Variants in TPP2 observed in about 807,000 individuals in gnomAD.
TPP2 encodes tripeptidyl-peptidase 2.
Under a neutral mutation model 155.9 loss-of-function variants are expected in TPP2, and 34 were observed. The observed-to-expected ratio is 0.22, with a 90% CI of 0.17 to 0.29. The LOEUF (loss-of-function observed/expected upper bound fraction) is 0.29, where lower values mean the gene tolerates loss of function less well. Ranked by LOEUF, TPP2 falls within the 10% of genes least tolerant of loss-of-function variation. The pLI is 1.00. For missense variants in TPP2, 1,028 were observed against 1,522.3 expected, an observed-to-expected ratio of 0.68 and a Z score of 5.40; for synonymous variants, 510 against 529.4, an observed-to-expected ratio of 0.96 and a Z score of 0.50.
intron 16 of TPP2, among the ~76,000 whole-genome samples, chr13:102,640,647 T>TTTTTTTA (rs1882697689): frequency 2.4e-5 from 3 of 124,200 alleles, no homozygotes; most frequent in African/African-American, 9.5e-5. Flanking sequence ...AATAATTTTT[T>TTTTTTTA]TTTTTTTTTT....
At position 102,629,497 on chromosome 13, in the gene TPP2, A is replaced by G. The variant is rs528866894; in HGVS notation, c.1032A>G (p.Val344=). The part of the protein sequence containing the change: ...HWPNSGRICE[V]INEAVWKHNI... ...TCTTTTTCAGGAGAATTTGTGAAGTAATTAATGAAGCAGTATGGAAGCATA... is the reference window on the plus strand; with the variant it reads ...TCTTTTTCAGGAGAATTTGTGAAGTGATTAATGAAGCAGTATGGAAGCATA... Residue 344 remains valine, a synonymous_variant, in exon 9 of 30, where the codon GTA becomes GTG. Transcript: ENST00000376052. 6.7e-7 allele frequency: 1 copy of G among 1,499,808 alleles called. No individual in the cohort carries two copies. Among genetic ancestry groups the G allele is most frequent in the East Asian group, 2.6e-5 (1 of 38,784 alleles). The allele number at this position is 1,499,808 out of a possible 1,614,324, so 92.9% of individuals were successfully genotyped here.
chr13:102,636,421 G>T, intron 13 of TPP2, 29 bp downstream of exon 13: 1 of 1,592,862 alleles, frequency 6.3e-7, no homozygotes, highest in South Asian at 1.1e-5. Context: ...GTAAGCTGAC[G>T]TATTCACATT....
chr13:102,650,942 G>A (rs1482774788), intron 23 of TPP2, among the ~76,000 whole-genome samples: 4 of 151,956 alleles, frequency 2.6e-5, no homozygotes, highest in Non-Finnish European at 4.4e-5. Flanking sequence ...TTGTTTTTTG[G>A]TAGTTGGGAA....
chr13:102,659,488 A>T (rs1884068020), intron 25 of TPP2, among the ~76,000 whole-genome samples: 1 of 152,238 alleles, frequency 6.6e-6, no homozygotes, highest in Non-Finnish European at 1.5e-5. Flanking sequence ...CTCATCACTT[A>T]CAAGGAAATG....
Position 102,633,983 on chromosome 13 carries a change from G to T in TPP2, c.1278G>T (p.Ala426=). The T allele has an allele frequency of 1.9e-6, 3 of 1,614,062 alleles. No homozygotes were observed. Among genetic ancestry groups the T allele is most frequent in the African/African-American group, 1.3e-5 (1 of 75,016 alleles). Residue 426 remains alanine (A), a synonymous_variant, in exon 11 of 30, where the codon GCG becomes GCT. Transcript: ENST00000376052. ...ADGALGVSIS[A]PGGAIASVPN... ...GGGCCCTTGGTGTGAGTATCAGTGCGCCAGGAGGAGCCATTGCTTCTGTTC... is the reference window on the plus strand; with the variant it reads ...GGGCCCTTGGTGTGAGTATCAGTGCTCCAGGAGGAGCCATTGCTTCTGTTC...
At chr13:102,635,165 G>A (rs1241969606) in intron 11 of TPP2, among the ~76,000 whole-genome samples, 1 of 152,124 alleles carries the variant, frequency 6.6e-6, no homozygotes, top group African/African-American at 2.4e-5. Flanking sequence ...GATTTAATTG[G>A]TCTGTCATGA....
chr13:102,649,497 G>GT lies in TPP2; in HGVS notation c.2952+17dup. On this transcript the variant is annotated intron_variant, in intron 23 of 29. Coordinates refer to ENST00000376052, the MANE Select transcript of TPP2 (RefSeq NM_001330588.2). Reference sequence around the variant, plus strand: ...CTAGGAAAGAAAGCTGTAAGTATTAGTTTTTTAAACACTGAAATTACCTAT... The same window carrying GT: ...CTAGGAAAGAAAGCTGTAAGTATTAGTTTTTTTAAACACTGAAATTACCTAT... The GT allele has an allele frequency of 6.3e-7, 1 of 1,599,068 alleles. No individual in the cohort carries two copies. The highest frequency in any genetic ancestry group is 8.5e-7 in the Non-Finnish European group (1 of 1,174,232).
chr13:102,633,307 C>T (rs938026081), intron 10 of TPP2, among the ~76,000 whole-genome samples: 5 of 152,106 alleles, frequency 3.3e-5, no homozygotes, highest in Non-Finnish European at 7.4e-5. Context: ...CAGTCAGGGA[C>T]GTGAGGTTAG....
In TPP2 at chr13:102,649,042, A is replaced by G. The variant is rs749125006; in HGVS notation, c.2764A>G (p.Ile922Val). ...ATTGTCTAATACCTTGAGCTTAGATATTCATGAAAATCATAGTTTTGCACT... is the reference window on the plus strand; with the variant it reads ...ATTGTCTAATACCTTGAGCTTAGATGTTCATGAAAATCATAGTTTTGCACT... ...HRLSNTLSLD[I>V]HENHSFALLG... The change falls in exon 22 of 30, where the codon ATT becomes GTT. Residue 922 changes from isoleucine to valine, a missense_variant. Physicochemically the swap from Ile to Val is conservative, Grantham distance 29 (BLOSUM62 3). Transcript: ENST00000376052. The G allele has an allele frequency of 6.2e-7, 1 of 1,613,866 alleles. No homozygotes were observed. Among genetic ancestry groups the G allele is most frequent in the Non-Finnish European group, 8.5e-7 (1 of 1,179,936 alleles).
chr13:102,627,028 T>C lies in TPP2; in HGVS notation c.801T>C (p.His267=), dbSNP rs1881673066. Residue 267 remains histidine, a synonymous_variant, in exon 7 of 30, where the codon CAT becomes CAC. Transcript: ENST00000376052. ...TGTCTCTAGGAGCTCATGGGACACA[T>C]GTAGCTAGTATAGCTGCTGGACACT... The part of the protein sequence containing the change: ...IVTSGGAHGT[H]VASIAAGHFP... 5 of 1,594,250 alleles carry C rather than the reference T, an allele frequency of 3.1e-6. No individual in the cohort carries two copies. Among genetic ancestry groups the C allele is most frequent in the African/African-American group, 2.7e-5 (2 of 73,846 alleles).
intron 27 of TPP2, among the ~76,000 whole-genome samples, chr13:102,667,013 G>A (rs964784215): frequency 4.6e-5 from 7 of 151,910 alleles, no homozygotes; most frequent in African/African-American, 1.7e-4. Flanking sequence ...ACTCTGACCA[G>A]GTTGTGTTTG....
rs1468379103 is a variant in TPP2, at chr13:102,678,259, A to C, written c.3732A>C (p.Ala1244=). ...LMKLLGWTHC[A]SFTENWLPIM... is the part of the protein sequence containing the mutation. ...AGTTACTTGGATGGACCCATTGTGC[A>C]TCTTTTACTGAAAACTGGCTCCCCA... The change falls in exon 30 of 30, where the codon GCA becomes GCC. Residue 1244 remains alanine, a synonymous_variant. Coordinates refer to ENST00000376052, the MANE Select transcript of TPP2 (RefSeq NM_001330588.2). 1 of 1,613,760 alleles carries C rather than the reference A, an allele frequency of 6.2e-7. No individual in the cohort carries two copies. Among genetic ancestry groups the C allele is most frequent in the Non-Finnish European group, 8.5e-7 (1 of 1,179,732 alleles).
At chr13:102,655,144 A>T (rs990066893) in intron 24 of TPP2, 1 of 448,122 alleles carries the variant, frequency 2.2e-6, no homozygotes, top group Non-Finnish European at 4.5e-6. Flanking sequence ...TGGAGATAGG[A>T]TTATTATTTT....
At chr13:102,666,827 A>G (rs1266971294) in intron 27 of TPP2, among the ~76,000 whole-genome samples, 1 of 118,228 alleles carries the variant, frequency 8.5e-6, no homozygotes, top group Non-Finnish European at 1.6e-5. Flanking sequence ...GACATTGACT[A>G]TCATGGCTAT....
At chr13:102,600,688 A>T (rs1879363603) in intron 1 of TPP2, among the ~76,000 whole-genome samples, 1 of 152,202 alleles carries the variant, frequency 6.6e-6, no homozygotes. Flanking sequence ...ATATGGGCAT[A>T]ATGAAGGAAT....
At chr13:102,672,479 T>C (rs1595224891) in intron 27 of TPP2, among the ~76,000 whole-genome samples, 1 of 152,194 alleles carries the variant, frequency 6.6e-6, no homozygotes, top group Non-Finnish European at 1.5e-5. Flanking sequence ...CCAAATCCTC[T>C]TTCGAAGCTT....
chr13:102,632,705 C>G (rs1817390073), intron 10 of TPP2, among the ~76,000 whole-genome samples: 1 of 152,196 alleles, frequency 6.6e-6, no homozygotes, highest in South Asian at 2.1e-4. Context: ...ATTCTGAACA[C>G]CATTAGGCAA....
chr13:102,600,127 T>G (rs1394741829), intron 1 of TPP2, among the ~76,000 whole-genome samples: 1 of 152,180 alleles, frequency 6.6e-6, no homozygotes, highest in African/African-American at 2.4e-5. Context: ...GGCCTCCTTA[T>G]GTAGCCTCAG....
rs539720428 is a variant in TPP2, at chr13:102,597,001, T to C, written c.-38T>C. ...TCGCGCTGCTAGTCCGCGCGCAGCC[T>C]GGCAGTTTGCCGCTTCCTCGTCCTC... On this transcript the variant is annotated 5_prime_UTR_variant, in exon 1 of 30. Coordinates refer to ENST00000376052, the MANE Select transcript of TPP2 (RefSeq NM_001330588.2). 6.2e-6 allele frequency: 10 copies of C among 1,603,754 alleles called. No individual in the cohort carries two copies. In the East Asian group the frequency reaches 6.9e-5, roughly 11 times the overall value.
Sources: gnomAD v4.1 joint callset for allele counts (sites outside exome capture counted in the v4.1 genomes callset) on GRCh38, gnomAD v4.1.1 for gene constraint, MANE v1.5 for transcripts, NCBI Gene and HGNC (gene_info 2026-07-23, HGNC 2026-07-21) for gene names.